DLC1: variants seen among roughly 807,000 people sequenced by gnomAD.
DLC1 encodes rho GTPase-activating protein 7.
Under a neutral mutation model 140.3 loss-of-function variants are expected in DLC1, and 54 were observed. The observed-to-expected ratio is 0.38, with a 90% CI of 0.31 to 0.48. The LOEUF (loss-of-function observed/expected upper bound fraction) is 0.48. Among genes scored for constraint, DLC1 ranks in the 20% least tolerant of loss-of-function variants. The probability of loss-of-function intolerance (pLI) is 0.96; values close to 1 mark genes in which losing one functional copy is unlikely to be tolerated. For synonymous variants in DLC1, 986 were observed against 728.1 expected, an observed-to-expected ratio of 1.35 and a Z score of -5.70; for missense variants, 2,536 against 1,907.0, an observed-to-expected ratio of 1.33 and a Z score of -6.14.
In DLC1 at chr8:13,120,942, T is replaced by C. The variant is rs529422607; in HGVS notation, c.1349-5285A>G. Among the ~76,000 whole-genome samples the C allele has an allele frequency of 3.3e-5, 5 of 152,240 alleles. No individual in the cohort carries two copies. In the South Asian group the frequency reaches 1.0e-3, roughly 32 times the overall value. On this transcript the variant is annotated intron_variant, in intron 5 of 17. Transcript: ENST00000276297. ...TGTGGAACTCTGTTATCTTAGCTGGTTGAGCAACAGTAATTGGGTCTAAAC... is the reference window on the plus strand; with the variant it reads ...TGTGGAACTCTGTTATCTTAGCTGGCTGAGCAACAGTAATTGGGTCTAAAC...
At chr8:13,176,020 C>T (rs978618237) in intron 5 of DLC1, among the ~76,000 whole-genome samples, 1 of 152,062 alleles carries the variant, frequency 6.6e-6, no homozygotes, top group Non-Finnish European at 1.5e-5. Context: ...TACTTTTTGG[C>T]CACAAATTTC....
chr8:13,427,025 T>C (rs890252930), intron 2 of DLC1, among the ~76,000 whole-genome samples: 1 of 152,212 alleles, frequency 6.6e-6, no homozygotes, highest in Admixed American at 6.5e-5. Context: ...TTTTTCAACC[T>C]GTACTTTGGG....
At chr8:13,436,656 C>A (rs778748082) in intron 2 of DLC1, among the ~76,000 whole-genome samples, 1 of 152,084 alleles carries the variant, frequency 6.6e-6, no homozygotes, top group Non-Finnish European at 1.5e-5. Flanking sequence ...AACAGACGAA[C>A]GGAGGAGGAA....
intron 5 of DLC1, among the ~76,000 whole-genome samples, chr8:13,218,354 C>T (rs1828312478): frequency 1.3e-5 from 2 of 152,044 alleles, no homozygotes; most frequent in South Asian, 4.2e-4. Context: ...GATATGACAC[C>T]AAAAGCATGA....
At chr8:13,425,159 T>G (rs1217475065) in intron 2 of DLC1, among the ~76,000 whole-genome samples, 1 of 151,392 alleles carries the variant, frequency 6.6e-6, no homozygotes, top group Non-Finnish European at 1.5e-5. Flanking sequence ...CAGGGAAATA[T>G]GCAAGCTCCA....
At chr8:13,244,609 A>T (rs965447661) in intron 5 of DLC1, among the ~76,000 whole-genome samples, 1 of 151,766 alleles carries the variant, frequency 6.6e-6, no homozygotes, top group Non-Finnish European at 1.5e-5. Flanking sequence ...TCCTTTCCAC[A>T]TTTATCTGCC....
intron 1 of DLC1, among the ~76,000 whole-genome samples, chr8:13,541,751 G>C (rs1803492000): frequency 6.6e-6 from 1 of 152,016 alleles, no homozygotes; most frequent in African/African-American, 2.4e-5. Flanking sequence ...GGGTTTCACC[G>C]TGTTGGCCAG....
intron 5 of DLC1, among the ~76,000 whole-genome samples, chr8:13,160,912 T>C (rs1467372642): frequency 6.6e-6 from 1 of 152,134 alleles, no homozygotes; most frequent in Non-Finnish European, 1.5e-5. Context: ...AAACCCCGTC[T>C]CTACTAAAAA....
chr8:13,126,585 C>T (rs995809382), intron 5 of DLC1, among the ~76,000 whole-genome samples: 4 of 152,104 alleles, frequency 2.6e-5, no homozygotes, highest in African/African-American at 9.7e-5. Context: ...TTTTCTGAGT[C>T]TCATTTTTTT....
intron 5 of DLC1, among the ~76,000 whole-genome samples, chr8:13,254,704 A>C (rs1463252337): frequency 6.6e-6 from 1 of 152,122 alleles, no homozygotes; most frequent in East Asian, 1.9e-4. Flanking sequence ...ACAGTTAAAA[A>C]AAGGATATCT....
chr8:13,273,323 C>G (rs1445962605), intron 5 of DLC1, among the ~76,000 whole-genome samples: 1 of 152,184 alleles, frequency 6.6e-6, no homozygotes, highest in East Asian at 1.9e-4. Flanking sequence ...CACTGTCATC[C>G]TCAAAGTTCT....
At chr8:13,545,316 A>G (rs896537249) in intron 1 of DLC1, among the ~76,000 whole-genome samples, 5 of 149,750 alleles carry the variant, frequency 3.3e-5, no homozygotes, top group Non-Finnish European at 5.9e-5. Context: ...TATATATGCT[A>G]CTATATATAT....
chr8:13,267,114 C>G (rs1179419231), intron 5 of DLC1, among the ~76,000 whole-genome samples: 3 of 152,204 alleles, frequency 2.0e-5, no homozygotes, highest in African/African-American at 7.2e-5. Context: ...AAAGATGTTT[C>G]CAGTGCAGCC....
intron 5 of DLC1, among the ~76,000 whole-genome samples, chr8:13,187,219 T>TAC (rs1563148135): frequency 1.3e-5 from 2 of 152,210 alleles, no homozygotes; most frequent in East Asian, 3.9e-4. Flanking sequence ...ATTTATTTTT[T>TAC]CTCTGTTGTT....
chr8:13,587,897 G>A (rs1050175840), intron 1 of DLC1, among the ~76,000 whole-genome samples: 1 of 151,804 alleles, frequency 6.6e-6, no homozygotes, highest in East Asian at 1.9e-4. Flanking sequence ...TTCCCCTCAT[G>A]GCAGTATGAT....
chr8:13,103,629 A>G (rs553562006), intron 7 of DLC1, among the ~76,000 whole-genome samples: 53 of 152,132 alleles, frequency 3.5e-4, no homozygotes, highest in Non-Finnish European at 5.4e-4. Context: ...ACCTGAAGTC[A>G]GGAGTTTGAG....
intron 5 of DLC1, among the ~76,000 whole-genome samples, chr8:13,270,513 C>T (rs1003545370): frequency 6.6e-6 from 1 of 152,130 alleles, no homozygotes; most frequent in Non-Finnish European, 1.5e-5. Context: ...AAAGCAGGTC[C>T]CAACGTGCTT....
At chr8:13,363,626 G>T (rs1321345318) in intron 4 of DLC1, among the ~76,000 whole-genome samples, 8 of 151,734 alleles carry the variant, frequency 5.3e-5, no homozygotes, top group South Asian at 2.1e-4. Context: ...ATTGGTTAAG[G>T]TATTTTTACA....
chr8:13,575,074 T>G (rs1804790474), intron 1 of DLC1, among the ~76,000 whole-genome samples: 1 of 152,200 alleles, frequency 6.6e-6, no homozygotes, highest in Admixed American at 6.5e-5. Flanking sequence ...TGTTCTTAGT[T>G]GATAATTACC....
Sources: allele counts gnomAD v4.1 joint callset (sites outside exome capture counted in the v4.1 genomes callset), GRCh38; gene constraint gnomAD v4.1.1; transcripts MANE v1.5; gene names NCBI Gene and HGNC (gene_info 2026-07-23, HGNC 2026-07-21).